UPP2: variants seen among roughly 807,000 people sequenced by gnomAD.
UPP2 encodes the protein uridine phosphorylase 2.
Under a neutral mutation model 26.7 loss-of-function variants are expected in UPP2, and 23 were observed. The ratio of observed to expected loss-of-function variants is 0.86; its 90% CI spans 0.62 to 1.22. The LOEUF (loss-of-function observed/expected upper bound fraction) is 1.22, where lower values mean the gene tolerates loss of function less well. UPP2 is among the 50% of genes most tolerant of loss of function. UPP2 has a pLI of 0.00. For synonymous variants in UPP2, 127 were observed against 141.3 expected, an observed-to-expected ratio of 0.90 and a Z score of 0.72; for missense variants, 387 against 396.7, an observed-to-expected ratio of 0.98 and a Z score of 0.21.
intron 6 of UPP2, among the ~76,000 whole-genome samples, chr2:158,132,248 T>C (rs778594745): frequency 2.6e-5 from 4 of 152,236 alleles, no homozygotes; most frequent in Non-Finnish European, 5.9e-5. Context: ...TTCATTGCTT[T>C]TCACGTCACT....
chr2:158,132,864 C>T (rs960461195), intron 6 of UPP2, among the ~76,000 whole-genome samples: 5 of 152,014 alleles, frequency 3.3e-5, no homozygotes, highest in African/African-American at 4.8e-5. Flanking sequence ...TCAAAAAAGA[C>T]GAAAGATAAA....
chr2:158,112,944 T>C (rs1300229574), intron 2 of UPP2, among the ~76,000 whole-genome samples: 1 of 152,200 alleles, frequency 6.6e-6, no homozygotes, highest in African/African-American at 2.4e-5. Flanking sequence ...GGACAATTGA[T>C]CATTTTGTTT....
intron 1 of UPP2, among the ~76,000 whole-genome samples, chr2:158,105,195 G>A (rs944801056): frequency 4.6e-5 from 7 of 152,130 alleles, no homozygotes; most frequent in East Asian, 1.9e-4. Context: ...CCAAATAACC[G>A]AAAGCTACAA....
chr2:158,126,752 G>C (rs1184755856), intron 6 of UPP2: 1 of 152,158 alleles, frequency 6.6e-6, no homozygotes, highest in East Asian at 1.9e-4. Flanking sequence ...CTGAAACAGA[G>C]GAAGTTAGAG....
intron 3 of UPP2, among the ~76,000 whole-genome samples, chr2:158,049,866 C>A (rs191245318): frequency 4.5e-4 from 69 of 152,290 alleles, no homozygotes; most frequent in Middle Eastern, 6.8e-3. Context: ...AAATATATTT[C>A]TTTAATCCTG....
At chr2:158,027,504 T>C (rs374914129) in intron 3 of UPP2, among the ~76,000 whole-genome samples, 5 of 152,190 alleles carry the variant, frequency 3.3e-5, no homozygotes, top group African/African-American at 1.2e-4. Flanking sequence ...TATGGCTTTG[T>C]AGGGTACAGC....
intron 3 of UPP2, among the ~76,000 whole-genome samples, chr2:158,029,380 A>G (rs895454922): frequency 2.0e-5 from 3 of 152,210 alleles, no homozygotes; most frequent in African/African-American, 7.2e-5. Flanking sequence ...ACACATTGTA[A>G]TATCACTTTA....
chr2:158,100,524 C>G (rs192844687), upstream of UPP2, among the ~76,000 whole-genome samples: 23 of 152,258 alleles, frequency 1.5e-4, 1 homozygote, highest in Admixed American at 1.4e-3. Flanking sequence ...TAAAGGTGTG[C>G]TGGTGCCAGC....
chr2:158,129,620 TC>T (rs1683767414), intron 6 of UPP2, among the ~76,000 whole-genome samples: 1 of 151,068 alleles, frequency 6.6e-6, no homozygotes, highest in African/African-American at 2.5e-5. Context: ...TATTCATCTA[TC>T]GAAAGATGAC....
intron 3 of UPP2, among the ~76,000 whole-genome samples, chr2:158,068,629 G>A (rs955822337): frequency 2.2e-4 from 33 of 151,012 alleles, no homozygotes; most frequent in Non-Finnish European, 3.7e-4. Flanking sequence ...AATGGTTAAG[G>A]ACCACACGCT....
chr2:158,124,454 C>T (rs1455913075), intron 6 of UPP2, among the ~76,000 whole-genome samples: 2 of 152,132 alleles, frequency 1.3e-5, no homozygotes, highest in African/African-American at 2.4e-5. Context: ...GTGTAGGACA[C>T]TGTGAGAACA....
intron 3 of UPP2, among the ~76,000 whole-genome samples, chr2:158,095,184 C>T (rs572753637): frequency 1.3e-5 from 2 of 152,194 alleles, no homozygotes; most frequent in East Asian, 1.9e-4. Flanking sequence ...ATGAGTTAAT[C>T]GTAAAGTGTG....
chr2:158,041,863 T>C (rs111458894), intron 3 of UPP2, among the ~76,000 whole-genome samples: 5 of 152,210 alleles, frequency 3.3e-5, no homozygotes, highest in African/African-American at 7.2e-5. Context: ...AAGAATTTGA[T>C]TGGGGACCAA....
intron 3 of UPP2, among the ~76,000 whole-genome samples, chr2:158,023,183 T>C (rs1683779600): frequency 2.1e-5 from 2 of 93,864 alleles, no homozygotes; most frequent in Admixed American, 1.6e-4. Context: ...TGGAGAATAG[T>C]GCATGAGGAG....
chr2:158,030,333 T>TC (rs1336324998), intron 3 of UPP2, among the ~76,000 whole-genome samples: 1 of 152,250 alleles, frequency 6.6e-6, no homozygotes, highest in East Asian at 1.9e-4. Flanking sequence ...TTATTATGAG[T>TC]AGACAATTGA....
chr2:158,038,500 T>C (rs1684036905), intron 3 of UPP2, among the ~76,000 whole-genome samples: 1 of 152,396 alleles, frequency 6.6e-6, no homozygotes, highest in East Asian at 1.9e-4. Context: ...GCTGGAATGA[T>C]ATATATTTTG....
chr2:158,036,357 G>A (rs1683999750), intron 3 of UPP2, among the ~76,000 whole-genome samples: 1 of 152,082 alleles, frequency 6.6e-6, no homozygotes, highest in Admixed American at 6.6e-5. Context: ...CACTACGACT[G>A]TACCCCCGAG....
intron 3 of UPP2, among the ~76,000 whole-genome samples, chr2:158,096,019 C>CAGA (rs1418840742): frequency 6.6e-6 from 1 of 152,104 alleles, no homozygotes; most frequent in Non-Finnish European, 1.5e-5. Context: ...CAAGTACATG[C>CAGA]AGAAGTCAAG....
chr2:158,065,872 G>T, intron 3 of UPP2: 1 of 651,990 alleles, frequency 1.5e-6, no homozygotes, highest in South Asian at 1.6e-5. Context: ...GGCCTTGGGA[G>T]AGCTCCAGTA....
Sources: gnomAD v4.1 joint callset for allele counts (sites outside exome capture counted in the v4.1 genomes callset) on GRCh38, gnomAD v4.1.1 for gene constraint, MANE v1.5 for transcripts, NCBI Gene and HGNC (gene_info 2026-07-23, HGNC 2026-07-21) for gene names.